The following PPFIA2 variants were observed in gnomAD, a reference collection of about 807,000 sequenced individuals.
PPFIA2 encodes the protein PPFI scaffold protein A2, also known as liprin-alpha-2.
PPFIA2 carries 46 observed loss-of-function variants against 175.5 expected under a neutral mutation model. The ratio of observed to expected loss-of-function variants is 0.26; its 90% CI spans 0.21 to 0.34. PPFIA2 has a LOEUF of 0.34. Among genes scored for constraint, PPFIA2 ranks in the 10% least tolerant of loss-of-function variants. PPFIA2 has a pLI of 1.00. For missense variants in PPFIA2, 1,179 were observed against 1,506.1 expected, an observed-to-expected ratio of 0.78 and a Z score of 3.60; for synonymous variants, 568 against 511.4, an observed-to-expected ratio of 1.11 and a Z score of -1.49.
chr12:81,379,890 A>T (rs1388046656), intron 9 of PPFIA2, among the ~76,000 whole-genome samples: 3 of 152,198 alleles, frequency 2.0e-5, no homozygotes, highest in Non-Finnish European at 4.4e-5. Context: ...TTAATTTTAG[A>T]TACCTTAGAA....
chr12:81,326,444 T>G (rs890673131), intron 21 of PPFIA2, among the ~76,000 whole-genome samples: 2 of 152,156 alleles, frequency 1.3e-5, no homozygotes, highest in African/African-American at 4.8e-5. Flanking sequence ...TAAATCTTAC[T>G]TCCAGAACTC....
rs529594386 is a variant in PPFIA2, at chr12:81,419,450, AATAAAC to A, written c.646-13553_646-13548del. Among the ~76,000 whole-genome samples, 8 of 152,232 alleles carry A rather than the reference AATAAAC, an allele frequency of 5.3e-5. No homozygotes were observed. The South Asian group carries it at 1.7e-3, about 32-fold the overall frequency. On this transcript the variant is annotated intron_variant, in intron 7 of 32. Coordinates refer to ENST00000549396, the MANE Select transcript of PPFIA2 (RefSeq NM_003625.5). ...ATATTTATTGAATGAATGTTCTTAC[AATAAAC>A]ATAAAGTCTCATGATATTGCCCTTG...
chr12:81,681,547 G>A (rs1006081562), intron 3 of PPFIA2, among the ~76,000 whole-genome samples: 2 of 151,982 alleles, frequency 1.3e-5, no homozygotes, highest in Admixed American at 1.3e-4. Context: ...ATTTGTAATA[G>A]TGGTTGTTCG....
chr12:81,758,223 T>C (rs2084986993), intron 2 of PPFIA2, among the ~76,000 whole-genome samples, 177 bp downstream of exon 2: 1 of 151,880 alleles, frequency 6.6e-6, no homozygotes. Context: ...CACAGCCAAG[T>C]AGGCAGGAGG....
intron 21 of PPFIA2, among the ~76,000 whole-genome samples, chr12:81,336,437 T>C (rs572563129): frequency 2.4e-4 from 36 of 152,330 alleles, no homozygotes; most frequent in Non-Finnish European, 5.1e-4. Flanking sequence ...TCACATCGAC[T>C]GATCCTTCCT....
chr12:81,353,494 A>G (rs2060368285), intron 16 of PPFIA2, among the ~76,000 whole-genome samples, 155 bp from the exon 17 acceptor site: 1 of 152,236 alleles, frequency 6.6e-6, no homozygotes, highest in Middle Eastern at 3.2e-3. Flanking sequence ...GCTTCCATAA[A>G]ATAGTTCCTT....
intron 4 of PPFIA2, among the ~76,000 whole-genome samples, chr12:81,491,401 T>C (rs769335714): frequency 3.9e-5 from 6 of 151,994 alleles, no homozygotes; most frequent in Non-Finnish European, 7.4e-5. Flanking sequence ...CACCATTTGA[T>C]AAATCCCTCA....
chr12:81,654,322 G>T (rs2067462679), intron 4 of PPFIA2, among the ~76,000 whole-genome samples: 2 of 151,866 alleles, frequency 1.3e-5, no homozygotes, highest in African/African-American at 4.8e-5. Flanking sequence ...ATTAACAAAT[G>T]TAAAATAAAC....
chr12:81,405,842 G>C lies in PPFIA2; in HGVS notation c.707C>G (p.Ser236Cys). The change falls in exon 8 of 33, where the codon TCC (serine) becomes TGC (cysteine). Residue 236 changes from serine to cysteine, a missense_variant. Physicochemically the swap from Ser to Cys is moderately radical, Grantham distance 112 (BLOSUM62 -1). Transcript: ENST00000549396. ...CCCTTCAAGATGTTCTGACTCTGTG[G>C]ATCCCTCGCTTGATGCCATTTTTCT... ...IQRKMASSEG[S>C]TESEHLEGME... 10 of 1,582,560 alleles carry C rather than the reference G, an allele frequency of 6.3e-6. No homozygotes were observed. The highest frequency in any genetic ancestry group is 8.6e-6 in the Non-Finnish European group (10 of 1,162,360).
chr12:81,283,223 A>G (rs767386684), intron 25 of PPFIA2, among the ~76,000 whole-genome samples, 184 bp from the exon 26 acceptor site: 2 of 152,118 alleles, frequency 1.3e-5, no homozygotes, highest in Non-Finnish European at 2.9e-5. Flanking sequence ...GCAATTAGGC[A>G]GCAACTACAT....
intron 4 of PPFIA2, among the ~76,000 whole-genome samples, chr12:81,640,100 T>C (rs1014156247): frequency 1.3e-5 from 2 of 152,178 alleles, no homozygotes; most frequent in African/African-American, 4.8e-5. Flanking sequence ...ATGAGTATGA[T>C]TATACATAAA....
intron 28 of PPFIA2, 104 bp from the exon 29 acceptor site, chr12:81,268,191 T>G (rs1284377834): frequency 1.3e-4 from 115 of 914,364 alleles, no homozygotes; most frequent in Non-Finnish European, 1.7e-4. Flanking sequence ...CAGGCTGGAG[T>G]GCAGTGGCGG....
intron 4 of PPFIA2, among the ~76,000 whole-genome samples, chr12:81,458,389 GA>G (rs528375135): frequency 8.5e-4 from 128 of 150,408 alleles, no homozygotes; most frequent in African/African-American, 3.1e-3. Flanking sequence ...CCTAAGATTT[GA>G]TAGCATTATC....
At chr12:81,442,339 G>A (rs191322733) in intron 6 of PPFIA2, among the ~76,000 whole-genome samples, 1 of 152,068 alleles carries the variant, frequency 6.6e-6, no homozygotes, top group East Asian at 1.9e-4. Flanking sequence ...ATTAATATAA[G>A]GCAGGGTTGC....
chr12:81,648,717 C>A (rs1163056529), intron 4 of PPFIA2, among the ~76,000 whole-genome samples: 2 of 151,392 alleles, frequency 1.3e-5, no homozygotes, highest in African/African-American at 4.9e-5. Flanking sequence ...AAAATAAGAA[C>A]AAAATTGTAG....
intron 4 of PPFIA2, among the ~76,000 whole-genome samples, chr12:81,614,309 T>C (rs931868164): frequency 5.9e-5 from 9 of 152,102 alleles, no homozygotes; most frequent in Admixed American, 2.0e-4. Context: ...TTAGCATACA[T>C]TTTATTTATA....
chr12:81,707,712 C>T (rs896770278), intron 3 of PPFIA2, among the ~76,000 whole-genome samples: 2 of 151,124 alleles, frequency 1.3e-5, no homozygotes, highest in African/African-American at 4.9e-5. Flanking sequence ...GCTATAAAGA[C>T]ACATGCACAC....
intron 4 of PPFIA2, among the ~76,000 whole-genome samples, chr12:81,480,189 C>T (rs1481326775): frequency 6.6e-6 from 1 of 152,004 alleles, no homozygotes; most frequent in African/African-American, 2.4e-5. Context: ...CTTTCTTCCA[C>T]TTGATCGATT....
chr12:81,753,087 AC>A (rs980005092), intron 3 of PPFIA2, among the ~76,000 whole-genome samples: 32 of 151,920 alleles, frequency 2.1e-4, no homozygotes, highest in Admixed American at 6.6e-5. Context: ...GGCGCATGGC[AC>A]CACACCCAGC....
Sources: gnomAD v4.1 joint callset for allele counts (sites outside exome capture counted in the v4.1 genomes callset) on GRCh38, gnomAD v4.1.1 for gene constraint, MANE v1.5 for transcripts, NCBI Gene and HGNC (gene_info 2026-07-23, HGNC 2026-07-21) for gene names.